MAML2: variants seen among roughly 807,000 people sequenced by gnomAD.
MAML2 encodes the protein mastermind like transcriptional coactivator 2, also known as mastermind-like protein 2.
In MAML2, 22 loss-of-function variants were observed where a neutral mutation model predicts 96.1. The observed-to-expected ratio is 0.23, with a 90% CI of 0.16 to 0.33. The LOEUF is 0.33. Among genes scored for constraint, MAML2 ranks in the 10% least tolerant of loss-of-function variants. MAML2 has a pLI of 1.00. For missense variants in MAML2, 1,367 were observed against 1,392.4 expected (o/e 0.98, Z 0.29); for synonymous variants, 561 against 521.3 (o/e 1.08, Z -1.04).
At chr11:96,003,442 T>A (rs950457761) in intron 2 of MAML2, among the ~76,000 whole-genome samples, 7 of 152,108 alleles carry the variant, frequency 4.6e-5, no homozygotes, top group African/African-American at 1.7e-4. Flanking sequence ...TTTCCCCACA[T>A]GTATGCCTTT....
chr11:96,067,113 C>T (rs939370745), intron 2 of MAML2, among the ~76,000 whole-genome samples: 13 of 152,160 alleles, frequency 8.5e-5, no homozygotes, highest in Non-Finnish European at 1.8e-4. Flanking sequence ...GAGGAGACAT[C>T]ACAGAACACA....
intron 1 of MAML2, among the ~76,000 whole-genome samples, chr11:96,293,990 G>A (rs1315969086): frequency 2.6e-5 from 4 of 152,180 alleles, no homozygotes; most frequent in African/African-American, 9.6e-5. Context: ...ATTGCAGTTG[G>A]AAAATAAATG....
intron 1 of MAML2, among the ~76,000 whole-genome samples, chr11:96,270,033 G>T (rs1038541697): frequency 4.2e-5 from 6 of 143,702 alleles, no homozygotes; most frequent in Non-Finnish European, 9.0e-5. Flanking sequence ...CTGAACTCCA[G>T]TCATATACAC....
At chr11:95,998,010 TATACTCA>T (rs1156652362) in intron 2 of MAML2, among the ~76,000 whole-genome samples, 8 of 152,202 alleles carry the variant, frequency 5.3e-5, no homozygotes, top group Non-Finnish European at 1.0e-4. Flanking sequence ...ATCAAACTGC[TATACTCA>T]AGAATTTTGG....
intron 1 of MAML2, among the ~76,000 whole-genome samples, chr11:96,177,505 C>G (rs1861405627): frequency 6.6e-6 from 1 of 152,046 alleles, no homozygotes; most frequent in South Asian, 2.1e-4. Context: ...AGGCCACTGC[C>G]AAAGTTACAA....
At chr11:96,165,146 C>T (rs1472919453) in intron 1 of MAML2, among the ~76,000 whole-genome samples, 1 of 151,898 alleles carries the variant, frequency 6.6e-6, no homozygotes, top group Non-Finnish European at 1.5e-5. Context: ...ATTGACCTCA[C>T]ATCATTATAC....
chr11:96,179,030 G>A (rs1326564947), intron 1 of MAML2, among the ~76,000 whole-genome samples: 1 of 152,188 alleles, frequency 6.6e-6, no homozygotes, highest in African/African-American at 2.4e-5. Context: ...ACGGCATCCC[G>A]AGAAAGGGTT....
intron 2 of MAML2, among the ~76,000 whole-genome samples, chr11:96,009,484 T>C (rs7120124): frequency 0.35 from 52,054 of 148,560 alleles, 9,149 homozygotes; most frequent in South Asian, 0.5. Context: ...AATAATTTAG[T>C]TTATTTCAGT....
At chr11:96,201,093 A>G (rs1033114314) in intron 1 of MAML2, among the ~76,000 whole-genome samples, 1 of 152,198 alleles carries the variant, frequency 6.6e-6, no homozygotes, top group African/African-American at 2.4e-5. Context: ...TCTGAAATAC[A>G]TTGTAAGGGA....
chr11:96,235,509 T>G (rs147223463), intron 1 of MAML2, among the ~76,000 whole-genome samples: 1 of 152,342 alleles, frequency 6.6e-6, no homozygotes, highest in African/African-American at 2.4e-5. Flanking sequence ...ACCTTGATTT[T>G]AGACTCACTC....
chr11:96,288,443 G>A (rs942298624), intron 1 of MAML2, among the ~76,000 whole-genome samples: 4 of 151,794 alleles, frequency 2.6e-5, no homozygotes, highest in African/African-American at 7.3e-5. Flanking sequence ...TCGGGAGGCC[G>A]AGGCAGGAGA....
chr11:96,009,555 T>C (rs776006486), intron 2 of MAML2, among the ~76,000 whole-genome samples: 1 of 152,184 alleles, frequency 6.6e-6, no homozygotes, highest in Non-Finnish European at 1.5e-5. Context: ...ATGTGGTGAA[T>C]AACTTCCAGT....
chr11:95,991,567 C>T lies in MAML2; in HGVS notation c.2296G>A (p.Glu766Lys). 1.2e-6 allele frequency: 2 copies of T among 1,613,806 alleles called. No homozygotes were observed. The highest frequency in any genetic ancestry group is 4.5e-5 in the East Asian group (2 of 44,892). ...KKQTLQRQIMEQKQQLLLQQQ... is the reference protein window; with the variant it reads ...KKQTLQRQIMKQKQQLLLQQQ... ...TGGAGAAGAAGTTGCTGTTTCTGCT[C>T]CATGATCTGCCTCTGTAGAGTCTGC... Residue 766 changes from glutamate to lysine, a missense_variant, in exon 3 of 5, where the codon GAG becomes AAG. By Grantham distance (56) the Glu-to-Lys change is moderately conservative. Transcript: ENST00000524717.
At chr11:96,151,951 T>C (rs902467017) in intron 1 of MAML2, among the ~76,000 whole-genome samples, 13 of 152,222 alleles carry the variant, frequency 8.5e-5, no homozygotes, top group African/African-American at 2.9e-4. Flanking sequence ...GCATAGTGAC[T>C]TATGCCTGTA....
intron 1 of MAML2, among the ~76,000 whole-genome samples, chr11:96,254,868 T>C (rs2135969168): frequency 6.6e-6 from 1 of 152,338 alleles, no homozygotes; most frequent in South Asian, 2.1e-4. Context: ...TCACCCAGGC[T>C]GGAGTGCATG....
At chr11:96,332,575 C>T (rs1363391670) in intron 1 of MAML2, among the ~76,000 whole-genome samples, 4 of 152,196 alleles carry the variant, frequency 2.6e-5, no homozygotes, top group Non-Finnish European at 5.9e-5. Flanking sequence ...GCTCCTCTTT[C>T]CTGTTTACTC....
intron 1 of MAML2, among the ~76,000 whole-genome samples, chr11:96,310,063 C>A (rs1262996424): frequency 2.0e-5 from 3 of 152,094 alleles, no homozygotes; most frequent in East Asian, 1.9e-4. Flanking sequence ...AGGGAGCATA[C>A]TTGCTTCTTG....
At chr11:96,256,727 C>T (rs1232944827) in intron 1 of MAML2, among the ~76,000 whole-genome samples, 2 of 152,164 alleles carry the variant, frequency 1.3e-5, no homozygotes, top group Admixed American at 6.5e-5. Context: ...TACAGGCATT[C>T]CTCGTCCACA....
intron 1 of MAML2, among the ~76,000 whole-genome samples, chr11:96,143,203 C>T (rs921686141): frequency 4.6e-5 from 7 of 152,128 alleles, no homozygotes; most frequent in African/African-American, 1.7e-4. Context: ...CTGCCGTTTG[C>T]CAATAAGCCT....
Sources: allele counts gnomAD v4.1 joint callset (sites outside exome capture counted in the v4.1 genomes callset), GRCh38; gene constraint gnomAD v4.1.1; transcripts MANE v1.5; gene names NCBI Gene and HGNC (gene_info 2026-07-23, HGNC 2026-07-21).